The following ADGRD1 variants were observed in gnomAD, a reference collection of about 807,000 sequenced individuals.
ADGRD1 encodes G-protein coupled receptor 133.
A neutral mutation model predicts 113.4 loss-of-function variants in ADGRD1; 77 were observed. The observed-to-expected ratio is 0.68, with a 90% confidence interval of 0.57 to 0.82. The LOEUF is 0.82. ADGRD1 is among the 40% of genes least tolerant of loss of function. ADGRD1 has a pLI of 0.00. For synonymous variants in ADGRD1, 474 were observed against 475.0 expected (o/e 1.00, Z 0.03); for missense variants, 1,036 against 1,139.1 (o/e 0.91, Z 1.30).
chr12:131,054,763 C>T (rs1044047571), intron 13 of ADGRD1, among the ~76,000 whole-genome samples: 3 of 152,200 alleles, frequency 2.0e-5, no homozygotes, highest in Non-Finnish European at 2.9e-5. Context: ...CGGGTCTTGC[C>T]TAGGTTCCCC....
rs773329052 is a variant in ADGRD1, at chr12:131,084,656, C to T, written c.1664C>T (p.Pro555Leu). ...TNFAILMQVV[P>L]LELARGHQVA... is the part of the protein sequence containing the mutation. The stretch of plus-strand genomic sequence containing the variant: ...TTTGCCATCCTCATGCAGGTGGTCC[C>T]GCTGGAGGTAAGAGCCAGGCCTCAG... The change falls in exon 15 of 25, where the codon CCG (proline) becomes CTG (leucine). Residue 555 changes from proline (P) to leucine (L), a missense_variant. Physicochemically the swap from Pro to Leu is moderately conservative, Grantham distance 98. Transcript: ENST00000261654. The surrounding 1 kb of genome is among the most constrained non-coding windows in gnomAD (Gnocchi z 4.5). 42 of 1,613,782 alleles carry T rather than the reference C, an allele frequency of 2.6e-5. No individual in the cohort carries two copies. The highest frequency in any genetic ancestry group is 7.7e-5 in the South Asian group (7 of 91,062).
At chr12:131,126,050 G>T (rs1487902681) in intron 20 of ADGRD1, among the ~76,000 whole-genome samples, 2 of 152,228 alleles carry the variant, frequency 1.3e-5, no homozygotes, top group African/African-American at 4.8e-5. Flanking sequence ...CTGATACATA[G>T]ATACGGATAC....
At chr12:131,133,729 A>C (rs1950996995) in intron 21 of ADGRD1, among the ~76,000 whole-genome samples, 1 of 152,136 alleles carries the variant, frequency 6.6e-6, no homozygotes, top group Non-Finnish European at 1.5e-5. Context: ...GCTTCCTCAC[A>C]ATCTTCTTAG....
chr12:131,073,089 A>G (rs982803987), intron 13 of ADGRD1, among the ~76,000 whole-genome samples: 1 of 152,134 alleles, frequency 6.6e-6, no homozygotes, highest in Non-Finnish European at 1.5e-5. Context: ...CAGCTCATCA[A>G]CCTGTCCTGA....
rs551424399 is a variant in ADGRD1, at chr12:131,075,160, AC to A, written c.1474-1640del. On this transcript the variant is annotated intron_variant, in intron 13 of 24. Coordinates refer to ENST00000261654, the MANE Select transcript of ADGRD1 (RefSeq NM_198827.5). The surrounding 1 kb of genome is among the most constrained non-coding windows in gnomAD (Gnocchi z 5.3). ...TTATTTTTTAAATTTCCTTTAAATT[AC>A]TCAGGTAACACACAAATACGCCTCC... is the stretch of plus-strand genomic sequence containing the variant. Among the ~76,000 whole-genome samples, 97 of 152,284 alleles carry A rather than the reference AC, an allele frequency of 6.4e-4. 1 individual carries two copies. The highest frequency in any genetic ancestry group is 1.2e-3 in the Non-Finnish European group (81 of 68,010).
chr12:131,106,877 C>T (rs1950244126), intron 17 of ADGRD1, among the ~76,000 whole-genome samples: 2 of 152,306 alleles, frequency 1.3e-5, no homozygotes, highest in Middle Eastern at 3.4e-3. Context: ...TCTCAGGCTC[C>T]GGTGTGAAAC....
At chr12:130,960,572 G>T (rs34630377) in intron 2 of ADGRD1, among the ~76,000 whole-genome samples, 64,653 of 151,492 alleles carry the variant, frequency 0.43, 13,833 homozygotes, top group Middle Eastern at 0.56. Context: ...ATTTATTTTT[G>T]CATTTTATCA....
At chr12:131,014,455 G>A (rs551920159) in intron 13 of ADGRD1, 115 bp downstream of exon 13, 18 of 915,404 alleles carry the variant, frequency 2.0e-5, no homozygotes, top group Admixed American at 7.8e-5. Context: ...GTGCCGGCCC[G>A]AACTGGAATC....
At chr12:131,114,512 CTG>C (rs2137379955) in intron 18 of ADGRD1, among the ~76,000 whole-genome samples, 1 of 152,224 alleles carries the variant, frequency 6.6e-6, no homozygotes, top group African/African-American at 2.4e-5. Flanking sequence ...AGCCCAAGAA[CTG>C]TGTCTTTCAT....
At chr12:130,969,121 C>T (rs933664447) in intron 3 of ADGRD1, 30 of 1,092,032 alleles carry the variant, frequency 2.7e-5, no homozygotes, top group African/African-American at 1.4e-4. Flanking sequence ...TTTGGATCTA[C>T]GATGAATTCT....
chr12:130,968,548 C>A (rs960801564), intron 3 of ADGRD1: 14 of 164,604 alleles, frequency 8.5e-5, no homozygotes, highest in Non-Finnish European at 1.4e-4. Flanking sequence ...TCGTTTTGTC[C>A]ATTTGTCATC....
chr12:131,004,787 G>A (rs928345246), intron 11 of ADGRD1, among the ~76,000 whole-genome samples: 2 of 152,156 alleles, frequency 1.3e-5, no homozygotes, highest in African/African-American at 4.8e-5. Flanking sequence ...GGCCTCAGTC[G>A]AGTCACATAA....
chr12:131,116,301 C>T (rs1197597155), intron 18 of ADGRD1, among the ~76,000 whole-genome samples: 1 of 152,172 alleles, frequency 6.6e-6, no homozygotes, highest in Non-Finnish European at 1.5e-5. Flanking sequence ...ACTGCTGGGC[C>T]CCAACTGTGC....
chr12:131,086,449 C>T (rs968641494), intron 15 of ADGRD1, among the ~76,000 whole-genome samples: 3 of 152,168 alleles, frequency 2.0e-5, no homozygotes, highest in Non-Finnish European at 4.4e-5. Flanking sequence ...TCAGCCCAGG[C>T]GCCCCTCGCT....
intron 18 of ADGRD1, among the ~76,000 whole-genome samples, chr12:131,115,432 A>T (rs572623585): frequency 3.1e-4 from 47 of 152,282 alleles, no homozygotes; most frequent in African/African-American, 1.1e-3. Context: ...GCATCTGGAA[A>T]TAGGTGGCAC....
rs761442572 is a variant in ADGRD1, at chr12:131,131,779, G to A, written c.2230G>A (p.Asp744Asn). ...VTRVISQISA[D>N]NYKIHGDPSA... ...CAGAGTCATCTCACAGATCAGCGCC[G>A]ACAACTACAAGATCCATGGAGACCC... Residue 744 changes from aspartate to asparagine, a missense_variant, in exon 21 of 25, where the codon GAC becomes AAC. Physicochemically the swap from Asp to Asn is conservative, Grantham distance 23. Transcript: ENST00000261654. 4.4e-5 allele frequency: 71 copies of A among 1,612,906 alleles called. No homozygotes were observed. The highest frequency in any genetic ancestry group is 2.6e-4 in the South Asian group (24 of 91,026).
chr12:130,988,370 T>C (rs1222063253), intron 6 of ADGRD1: 1 of 152,164 alleles, frequency 6.6e-6, no homozygotes, highest in South Asian at 2.1e-4. Flanking sequence ...ACAGACCCCA[T>C]GTAGGCACTC....
intron 9 of ADGRD1, among the ~76,000 whole-genome samples, chr12:131,001,575 G>A (rs61533050): frequency 0.019 from 2,968 of 152,290 alleles, 76 homozygotes; most frequent in African/African-American, 0.067. Flanking sequence ...AGGCCAGGGT[G>A]CACTGCAGTA....
intron 21 of ADGRD1, 109 bp from the exon 22 acceptor site, chr12:131,135,928 G>A (rs577752225): frequency 8.4e-5 from 101 of 1,208,340 alleles, no homozygotes; most frequent in South Asian, 2.3e-4. Flanking sequence ...TCTTGCTCCC[G>A]GCAGGGCGGT....
Sources: allele counts gnomAD v4.1 joint callset (sites outside exome capture counted in the v4.1 genomes callset), GRCh38; gene constraint gnomAD v4.1.1; non-coding constraint Gnocchi (gnomAD v3.1); transcripts MANE v1.5; gene names NCBI Gene and HGNC (gene_info 2026-07-23, HGNC 2026-07-21).